Variants in SPAG16 observed in about 807,000 individuals in gnomAD.
The protein encoded by SPAG16 is sperm-associated antigen 16 protein.
SPAG16 carries 86 observed loss-of-function variants against 80.4 expected under a neutral mutation model. The ratio of observed to expected loss-of-function variants is 1.07; its 90% CI spans 0.90 to 1.28. The LOEUF (loss-of-function observed/expected upper bound fraction) is 1.28. Ranked by LOEUF, SPAG16 falls within the 50% of genes most tolerant of loss-of-function variation. SPAG16 has a pLI of 0.00. For synonymous variants in SPAG16, 294 were observed against 265.9 expected (o/e 1.11, Z -1.03); for missense variants, 870 against 765.3 (o/e 1.14, Z -1.61).
At chr2:213,716,926 G>A (rs2066260876) in intron 10 of SPAG16, among the ~76,000 whole-genome samples, 1 of 151,944 alleles carries the variant, frequency 6.6e-6, no homozygotes, top group Admixed American at 6.6e-5. Flanking sequence ...AGCCTTTGAA[G>A]TTTTTCTTTG....
chr2:213,493,076 G>A (rs182424913), intron 10 of SPAG16, among the ~76,000 whole-genome samples: 26 of 152,152 alleles, frequency 1.7e-4, no homozygotes, highest in Non-Finnish European at 3.4e-4. Flanking sequence ...TAGTGAATAA[G>A]CCATGCATTA....
chr2:213,363,972 A>G (rs539471307), intron 7 of SPAG16, 104 bp from the exon 8 acceptor site: 1 of 399,832 alleles, frequency 2.5e-6, no homozygotes, highest in Admixed American at 4.6e-5. Context: ...AAAGAGATTA[A>G]TATTTTTTAT....
chr2:214,106,198 G>A (rs2053374698), intron 13 of SPAG16, among the ~76,000 whole-genome samples: 1 of 151,996 alleles, frequency 6.6e-6, no homozygotes, highest in Non-Finnish European at 1.5e-5. Flanking sequence ...CAGTATACAA[G>A]TATTAATATT....
intron 15 of SPAG16, among the ~76,000 whole-genome samples, chr2:214,335,486 A>C (rs1301750665): frequency 6.6e-6 from 1 of 150,954 alleles, no homozygotes; most frequent in Non-Finnish European, 1.5e-5. Flanking sequence ...ATATATATAG[A>C]TATATATATA....
intron 13 of SPAG16, among the ~76,000 whole-genome samples, chr2:214,104,227 G>T (rs1372329459): frequency 6.6e-6 from 1 of 152,178 alleles, no homozygotes. Context: ...CAGTGAAAAG[G>T]AAGAGTGGTA....
chr2:213,357,538 G>A (rs1412523518), intron 7 of SPAG16, among the ~76,000 whole-genome samples: 2 of 152,006 alleles, frequency 1.3e-5, no homozygotes, highest in Non-Finnish European at 2.9e-5. Context: ...TTTGATATTT[G>A]TTGGTTTTAA....
In SPAG16 at chr2:213,930,045, G is replaced by T. The variant is rs754442509; in HGVS notation, c.1300G>T (p.Gly434Ter). The T allele has an allele frequency of 5.0e-6, 8 of 1,614,004 alleles. No individual in the cohort carries two copies. Among genetic ancestry groups the T allele is most frequent in the Non-Finnish European group, 6.8e-6 (8 of 1,180,002 alleles). Residue 434 changes from glycine to a stop codon, truncating the protein, a stop_gained, in exon 12 of 16, where the codon GGA becomes TGA. Transcript: ENST00000331683. LOFTEE classifies it high-confidence loss of function. ...AGGCGATTGCATTTTGACCTTTGAA[G>T]GACACAGCCGCGCAGTGTGGTCCTG... is the stretch of plus-strand genomic sequence containing the variant. ...CKGDCILTFE[G>*]HSRAVWSCTW... is the part of the protein sequence containing the mutation.
In SPAG16 at chr2:214,200,079, G is replaced by A. The variant is rs549100092; in HGVS notation, c.1720+50813G>A. 2.2e-4 allele frequency among the ~76,000 whole-genome samples: 34 copies of A among 152,180 alleles called. 1 individual carries two copies. In the South Asian group the frequency reaches 6.6e-3, roughly 30 times the overall value. ...AGTTTGTCTTCCTCTCTTCCAATTT[G>A]GATGCCCTTTATTTCTCTCTTCTCT... On this transcript the variant is annotated intron_variant, in intron 15 of 15. Transcript: ENST00000331683.
chr2:213,927,913 G>A (rs1202234034), intron 11 of SPAG16, among the ~76,000 whole-genome samples: 2 of 152,158 alleles, frequency 1.3e-5, no homozygotes, highest in African/African-American at 4.8e-5. Context: ...TTACATGCAT[G>A]TTTTTGGATA....
chr2:214,308,880 T>G (rs559009194), intron 15 of SPAG16, among the ~76,000 whole-genome samples: 40 of 152,266 alleles, frequency 2.6e-4, no homozygotes, highest in Admixed American at 1.8e-3. Context: ...ATGATCTTCT[T>G]GTGGAGTGTC....
At chr2:214,260,575 ATG>A in intron 15 of SPAG16, among the ~76,000 whole-genome samples, 1 of 152,216 alleles carries the variant, frequency 6.6e-6, no homozygotes, top group Non-Finnish European at 1.5e-5. Flanking sequence ...TCATCTATGC[ATG>A]GCTTTCTTTT....
intron 13 of SPAG16, among the ~76,000 whole-genome samples, chr2:214,102,110 TTTTTTG>T (rs1416149028): frequency 0.16 from 18,523 of 112,926 alleles, 1,305 homozygotes; most frequent in Non-Finnish European, 0.19. Flanking sequence ...GTGAGGGTGG[TTTTTTG>T]TTTTTTTTTT....
intron 10 of SPAG16, among the ~76,000 whole-genome samples, chr2:213,830,910 A>G (rs558175195): frequency 1.3e-5 from 2 of 152,216 alleles, no homozygotes; most frequent in Admixed American, 6.5e-5. Context: ...GGTTTTGAAT[A>G]GCTTATGACC....
rs182427700 is a variant in SPAG16 at position 213,897,452 on chromosome 2, C to T, written c.1215-32508C>T. The stretch of plus-strand genomic sequence containing the variant: ...AATATATTTTAAACTTCATTACTTT[C>T]TTGACACTTTATGATTTTGTATCTA... On this transcript the variant is annotated intron_variant, in intron 11 of 15. Coordinates refer to ENST00000331683, the MANE Select transcript of SPAG16 (RefSeq NM_024532.5). Among the ~76,000 whole-genome samples, 987 of 152,186 alleles carry T rather than the reference C, an allele frequency of 6.5e-3. 6 individuals are homozygous for T. The highest frequency in any genetic ancestry group is 0.01 in the Admixed American group (157 of 15,274).
intron 15 of SPAG16, among the ~76,000 whole-genome samples, chr2:214,382,718 T>C (rs1700520143): frequency 6.6e-6 from 1 of 152,222 alleles, no homozygotes; most frequent in African/African-American, 2.4e-5. Context: ...TGAAGAGCAT[T>C]GCTTTCATGT....
At chr2:213,324,011 A>C (rs2063740677) in intron 5 of SPAG16, among the ~76,000 whole-genome samples, 1 of 152,164 alleles carries the variant, frequency 6.6e-6, no homozygotes, top group South Asian at 2.1e-4. Context: ...AAGGGCATAA[A>C]GTTTTAGGTA....
chr2:213,669,658 A>G (rs187637829), intron 10 of SPAG16, among the ~76,000 whole-genome samples: 5 of 152,322 alleles, frequency 3.3e-5, no homozygotes, highest in East Asian at 1.9e-4. Flanking sequence ...ATCTAGTCCT[A>G]TGGTTTTCAC....
intron 10 of SPAG16, among the ~76,000 whole-genome samples, chr2:213,854,872 A>G (rs539162025): frequency 2.6e-5 from 4 of 152,382 alleles, no homozygotes; most frequent in Middle Eastern, 3.4e-3. Context: ...AACCTAGCCC[A>G]CAAACTGGTT....
chr2:214,215,486 C>T (rs1348863529), intron 15 of SPAG16, among the ~76,000 whole-genome samples: 1 of 152,166 alleles, frequency 6.6e-6, no homozygotes, highest in African/African-American at 2.4e-5. Flanking sequence ...TGGTCACCTC[C>T]TTCTCCCCAG....
Sources: allele counts gnomAD v4.1 joint callset (sites outside exome capture counted in the v4.1 genomes callset), GRCh38; gene constraint gnomAD v4.1.1; transcripts MANE v1.5; gene names NCBI Gene and HGNC (gene_info 2026-07-23, HGNC 2026-07-21).